The following ADAMTS19 variants were observed in gnomAD, a reference collection of about 807,000 sequenced individuals.
ADAMTS19 encodes ADAM metallopeptidase with thrombospondin type 1 motif 19, also known as A disintegrin and metalloproteinase with thrombospondin motifs 19.
ADAMTS19 carries 93 observed loss-of-function variants against 153.3 expected under a neutral mutation model. The observed-to-expected ratio is 0.61, with a 90% confidence interval of 0.51 to 0.72. ADAMTS19 has a LOEUF of 0.72. ADAMTS19 is among the 30% of genes least tolerant of loss of function. The pLI, the probability that ADAMTS19 is intolerant of heterozygous loss-of-function variation, is 0.00. For missense variants in ADAMTS19, 1,482 were observed against 1,552.1 expected, an observed-to-expected ratio of 0.95 and a Z score of 0.76; for synonymous variants, 600 against 556.6, an observed-to-expected ratio of 1.08 and a Z score of -1.10.
intron 21 of ADAMTS19, among the ~76,000 whole-genome samples, chr5:129,722,171 C>T (rs545578352): frequency 3.2e-4 from 49 of 152,276 alleles, no homozygotes; most frequent in African/African-American, 1.0e-3. Flanking sequence ...CTTGAGGAAT[C>T]ACCACACTCT....
At chr5:129,663,313 C>A (rs916284207) in intron 15 of ADAMTS19, among the ~76,000 whole-genome samples, 1 of 152,174 alleles carries the variant, frequency 6.6e-6, no homozygotes, top group Non-Finnish European at 1.5e-5. Flanking sequence ...CATGCCTTAA[C>A]TTGGTGATTC....
intron 14 of ADAMTS19, among the ~76,000 whole-genome samples, chr5:129,657,306 C>T (rs1228000349): frequency 6.6e-6 from 1 of 152,178 alleles, no homozygotes; most frequent in East Asian, 1.9e-4. Flanking sequence ...CCAACACCAG[C>T]AGCACCAGTC....
At chr5:129,728,008 C>A (rs866814481) in intron 21 of ADAMTS19, among the ~76,000 whole-genome samples, 26 of 152,138 alleles carry the variant, frequency 1.7e-4, no homozygotes, top group Middle Eastern at 6.8e-3. Flanking sequence ...AAACAGGTTG[C>A]GGTAAAGAAG....
intron 3 of ADAMTS19, among the ~76,000 whole-genome samples, 196 bp downstream of exon 3, chr5:129,509,438 G>A (rs1751364728): frequency 6.6e-6 from 1 of 151,804 alleles, no homozygotes; most frequent in Non-Finnish European, 1.5e-5. Flanking sequence ...TCAAAAAGTA[G>A]AACTCAAAAG....
At position 129,722,231 on chromosome 5, in the gene ADAMTS19, G is replaced by A. The variant is rs1343652448; in HGVS notation, c.3313-12701G>A. Among the ~76,000 whole-genome samples the A allele has an allele frequency of 2.6e-5, 4 of 152,246 alleles. No homozygotes were observed. The South Asian group carries it at 6.2e-4, about 24-fold the overall frequency. ...ACATTCCCACCAGCAGTGTAAAAGT[G>A]TCATATTTCTCCACAGCCTCACCAG... is the stretch of plus-strand genomic sequence containing the variant. On this transcript the variant is annotated intron_variant, in intron 21 of 22. Transcript: ENST00000274487.
In ADAMTS19 at chr5:129,622,239, G is replaced by C; in HGVS notation, c.1661G>C (p.Ser554Thr). Residue 554 changes from serine to threonine, a missense_variant, in exon 10 of 23, where the codon AGT (serine) becomes ACT (threonine). Ser to Thr is a moderately conservative substitution (Grantham distance 58). Transcript: ENST00000274487. ...TGCTTGCTACAAACAAATCCGCAGA[G>C]TGTCAATTCTGTGATGGTTCCCTCC... is the stretch of plus-strand genomic sequence containing the variant. ...SNCLLQTNPQSVNSVMVPSKL... is the reference protein window; with the variant it reads ...SNCLLQTNPQTVNSVMVPSKL... 3 of 1,614,102 alleles carry C rather than the reference G, an allele frequency of 1.9e-6. No individual in the cohort carries two copies. The highest frequency in any genetic ancestry group is 2.2e-5 in the South Asian group (2 of 91,088).
At chr5:129,572,259 A>G (rs1753937461) in intron 7 of ADAMTS19, among the ~76,000 whole-genome samples, 1 of 151,978 alleles carries the variant, frequency 6.6e-6, no homozygotes, top group South Asian at 2.1e-4. Context: ...ACTTGTATGC[A>G]GAATATGTAA....
intron 8 of ADAMTS19, among the ~76,000 whole-genome samples, chr5:129,600,868 T>G (rs1581131163): frequency 3.3e-5 from 1 of 29,870 alleles, no homozygotes; most frequent in African/African-American, 6.1e-5. Context: ...GTTATTATTA[T>G]TATTATTATT....
chr5:129,474,951 T>C (rs1446386330), intron 2 of ADAMTS19, among the ~76,000 whole-genome samples: 1 of 152,194 alleles, frequency 6.6e-6, no homozygotes, highest in Non-Finnish European at 1.5e-5. Flanking sequence ...TTCTACTATT[T>C]AGTTTTAAGA....
At chr5:129,604,401 A>G (rs1017926500) in intron 8 of ADAMTS19, among the ~76,000 whole-genome samples, 1 of 152,116 alleles carries the variant, frequency 6.6e-6, no homozygotes, top group African/African-American at 2.4e-5. Flanking sequence ...AGCATTCTCT[A>G]TGGGTCAGTC....
Position 129,613,466 on chromosome 5 carries a change from A to G in ADAMTS19, c.1479-7152A>G, listed in dbSNP as rs1009194875. Among the ~76,000 whole-genome samples the G allele has an allele frequency of 3.3e-5, 5 of 152,304 alleles. No homozygotes were observed. In the South Asian group the frequency reaches 1.0e-3, roughly 32 times the overall value. On this transcript the variant is annotated intron_variant, in intron 8 of 22. Transcript: ENST00000274487. ...TACATAACGAAATGAAGGCAGAAAT[A>G]AAGATGTTCTTTGAAACCAACGAGA...
Position 129,698,435 on chromosome 5 carries a change from A to G in ADAMTS19, c.2955-2953A>G, listed in dbSNP as rs183133498. On this transcript the variant is annotated intron_variant, in intron 19 of 22. Transcript: ENST00000274487. ...TCACTAAATGGCCCGATGGCATTCT[A>G]TGGGTGAAATATAAAATAGATGAAT... Among the ~76,000 whole-genome samples the G allele has an allele frequency of 9.4e-4, 143 of 152,274 alleles. 1 individual carries two copies. Among genetic ancestry groups the G allele is most frequent in the Non-Finnish European group, 1.6e-3 (110 of 68,022 alleles).
intron 2 of ADAMTS19, among the ~76,000 whole-genome samples, chr5:129,492,686 C>T (rs1750807878): frequency 6.6e-6 from 1 of 151,962 alleles, no homozygotes; most frequent in Non-Finnish European, 1.5e-5. Context: ...GCTTTAAATA[C>T]CAGTCTGTTT....
chr5:129,634,604 G>A (rs1176250739), intron 10 of ADAMTS19, among the ~76,000 whole-genome samples: 1 of 151,886 alleles, frequency 6.6e-6, no homozygotes, highest in Non-Finnish European at 1.5e-5. Context: ...GGAACAGAAG[G>A]GAAAACCCAG....
chr5:129,503,779 G>T (rs149616496), intron 2 of ADAMTS19, among the ~76,000 whole-genome samples: 2 of 152,090 alleles, frequency 1.3e-5, no homozygotes, highest in South Asian at 4.2e-4. Flanking sequence ...AGTGAGCCAA[G>T]ATCATGCCAT....
chr5:129,551,163 T>G (rs1228733187), intron 6 of ADAMTS19, among the ~76,000 whole-genome samples: 1 of 151,620 alleles, frequency 6.6e-6, no homozygotes, highest in Non-Finnish European at 1.5e-5. Flanking sequence ...ACATAGCTAG[T>G]AAGAGGTAGA....
chr5:129,659,173 G>A (rs778707119), intron 15 of ADAMTS19, among the ~76,000 whole-genome samples: 15 of 151,972 alleles, frequency 9.9e-5, no homozygotes, highest in Non-Finnish European at 1.8e-4. Flanking sequence ...CAGGGAGTAC[G>A]TTTTTGGAAA....
rs751126517 is a variant in ADAMTS19, at chr5:129,590,938, A to C, written c.1373-5621A>C. ...TTGTTTCAGACAATTTCACCTGTGC[A>C]GTTCCTTTAACACACCCTTTACTGA... is the stretch of plus-strand genomic sequence containing the variant. On this transcript the variant is annotated intron_variant, in intron 7 of 22. Coordinates refer to ENST00000274487, the MANE Select transcript of ADAMTS19 (RefSeq NM_133638.6). Among the ~76,000 whole-genome samples, 3 of 152,240 alleles carry C rather than the reference A, an allele frequency of 2.0e-5. No individual in the cohort carries two copies. In the South Asian group the frequency reaches 6.2e-4, roughly 32 times the overall value.
chr5:129,647,157 G>A (rs1311388282), intron 11 of ADAMTS19, among the ~76,000 whole-genome samples: 7 of 142,500 alleles, frequency 4.9e-5, no homozygotes, highest in African/African-American at 1.8e-4. Context: ...AATTGCCCAC[G>A]TCTTTCAAAC....
Sources: allele counts gnomAD v4.1 joint callset (sites outside exome capture counted in the v4.1 genomes callset), GRCh38; gene constraint gnomAD v4.1.1; transcripts MANE v1.5; gene names NCBI Gene and HGNC (gene_info 2026-07-23, HGNC 2026-07-21).